TNFRSF19: variants seen among roughly 807,000 people sequenced by gnomAD.
TNFRSF19 encodes tumor necrosis factor receptor superfamily member 19.
A neutral mutation model predicts 46.4 loss-of-function variants in TNFRSF19; 27 were observed. The observed-to-expected ratio is 0.58, with a 90% CI of 0.43 to 0.80. The LOEUF is 0.80. Among genes scored for constraint, TNFRSF19 ranks in the 30% least tolerant of loss-of-function variants. The probability of loss-of-function intolerance (pLI) is 0.00; values close to 1 mark genes in which losing one functional copy is unlikely to be tolerated. For missense variants in TNFRSF19, 511 were observed against 530.8 expected, an observed-to-expected ratio of 0.96 and a Z score of 0.37; for synonymous variants, 204 against 205.0, an observed-to-expected ratio of 1.00 and a Z score of 0.04.
At chr13:23,615,742 C>T in intron 3 of TNFRSF19, 125 bp from the exon 4 acceptor site, 1 of 939,182 alleles carries the variant, frequency 1.1e-6, no homozygotes, top group Non-Finnish European at 1.5e-6. Context: ...GAAAGAGCTG[C>T]CTTTGTGTCT....
At chr13:23,646,780 T>A (rs1883358550) in intron 5 of TNFRSF19, among the ~76,000 whole-genome samples, 1 of 152,244 alleles carries the variant, frequency 6.6e-6, no homozygotes, top group African/African-American at 2.4e-5. Context: ...TTTCCATTCC[T>A]TGGGGTATAT....
chr13:23,662,735 C>T (rs1014138808), intron 7 of TNFRSF19, among the ~76,000 whole-genome samples: 5 of 151,722 alleles, frequency 3.3e-5, no homozygotes, highest in Admixed American at 3.3e-4. Context: ...CTTTTACCTC[C>T]GTGGTTAGCT....
intron 7 of TNFRSF19, among the ~76,000 whole-genome samples, chr13:23,661,920 A>C (rs1207921890): frequency 6.6e-6 from 1 of 152,098 alleles, no homozygotes; most frequent in South Asian, 2.1e-4. Context: ...AGTTCCTTAT[A>C]GATGCTGTAT....
intron 7 of TNFRSF19, among the ~76,000 whole-genome samples, chr13:23,666,622 T>C (rs1951638023): frequency 6.6e-6 from 1 of 152,340 alleles, no homozygotes; most frequent in African/African-American, 2.4e-5. Context: ...GTCCCAGGTT[T>C]ATCGTGTACT....
intron 1 of TNFRSF19, among the ~76,000 whole-genome samples, chr13:23,581,603 G>T (rs918706244): frequency 6.6e-6 from 1 of 152,038 alleles, no homozygotes; most frequent in Admixed American, 6.5e-5. Flanking sequence ...AATGGATTGC[G>T]ACATGTAATG....
Position 23,582,217 on chromosome 13 carries a change from A to G in TNFRSF19, c.-34-7933A>G, listed in dbSNP as rs1320144241. Among the ~76,000 whole-genome samples, 2 of 111,062 alleles carry G rather than the reference A, an allele frequency of 1.8e-5. 1 individual carries two copies. Among genetic ancestry groups the G allele is most frequent in the Non-Finnish European group, 3.5e-5 (2 of 56,784 alleles). 72.9% of individuals were successfully genotyped at this position (111,062 alleles called of 152,430 possible). On this transcript the variant is annotated intron_variant, in intron 1 of 9. Transcript: ENST00000248484. ...AACATGGTGAAACCCCGTCCCTACT[A>G]CAAATACAAAAAAAAAAAAAAAAAA...
At chr13:23,626,879 T>C in intron 5 of TNFRSF19, 87 bp downstream of exon 5, 1 of 1,293,040 alleles carries the variant, frequency 7.7e-7, no homozygotes, top group Non-Finnish European at 1.1e-6. Context: ...CTCTGGCAGA[T>C]GGAGCCAAAT....
Position 23,590,844 on chromosome 13 carries a change from T to C in TNFRSF19, c.69+592T>C, listed in dbSNP as rs75459928. Among the ~76,000 whole-genome samples the C allele has an allele frequency of 2.2e-4, 33 of 152,366 alleles. 2 individuals carry two copies. The East Asian group carries it at 6.4e-3, about 29-fold the overall frequency. ...TATGATGATGATATTATTTTGCCTT[T>C]ATAGGCATATATCTCTTGTAACATA... On this transcript the variant is annotated intron_variant, in intron 2 of 9. Transcript: ENST00000248484.
intron 3 of TNFRSF19, among the ~76,000 whole-genome samples, chr13:23,611,748 A>G (rs570744461): frequency 3.9e-5 from 6 of 152,134 alleles, no homozygotes; most frequent in East Asian, 1.9e-4. Flanking sequence ...ATTTGATACT[A>G]TTTTCATTTG....
chr13:23,583,626 G>A (rs531284714), intron 1 of TNFRSF19, among the ~76,000 whole-genome samples: 7 of 152,324 alleles, frequency 4.6e-5, no homozygotes, highest in Admixed American at 3.9e-4. Flanking sequence ...GTGTTATTTA[G>A]CAGCTCTTTG....
intron 9 of TNFRSF19, among the ~76,000 whole-genome samples, chr13:23,671,903 T>C (rs1951767424): frequency 6.6e-6 from 1 of 152,080 alleles, no homozygotes. Flanking sequence ...CTCACTATTA[T>C]GAACCAAAGC....
intron 3 of TNFRSF19, among the ~76,000 whole-genome samples, chr13:23,606,058 GTAAGGAC>G (rs1184147591): frequency 6.6e-6 from 1 of 152,150 alleles, no homozygotes; most frequent in Non-Finnish European, 1.5e-5. Context: ...GGCGGGGCAT[GTAAGGAC>G]TATCTCTCTA....
chr13:23,613,109 CT>C (rs1178003205), intron 3 of TNFRSF19, among the ~76,000 whole-genome samples: 1 of 152,190 alleles, frequency 6.6e-6, no homozygotes, highest in African/African-American at 2.4e-5. Flanking sequence ...AAATTGGGGT[CT>C]GATGATCCCC....
In TNFRSF19 at chr13:23,613,346, C is replaced by T. The variant is rs137996411; in HGVS notation, c.181-2521C>T. Among the ~76,000 whole-genome samples, 824 of 152,292 alleles carry T rather than the reference C, an allele frequency of 5.4e-3. 8 individuals carry two copies. Among genetic ancestry groups the T allele is most frequent in the African/African-American group, 0.017 (724 of 41,566 alleles). ...TCTCACAGATGAAGAGACTGAGGAT[C>T]GGAGAATTCCCAAAATAACTTGGCC... is the stretch of plus-strand genomic sequence containing the variant. On this transcript the variant is annotated intron_variant, in intron 3 of 9. Transcript: ENST00000248484.
chr13:23,608,913 C>T (rs529634121), intron 3 of TNFRSF19, among the ~76,000 whole-genome samples: 3 of 152,180 alleles, frequency 2.0e-5, no homozygotes, highest in Admixed American at 2.0e-4. Context: ...GAGCTACGCT[C>T]GACCTTGCCA....
intron 3 of TNFRSF19, among the ~76,000 whole-genome samples, chr13:23,596,325 C>T (rs1022919648): frequency 2.6e-5 from 4 of 151,996 alleles, no homozygotes; most frequent in Non-Finnish European, 5.9e-5. Context: ...GAGTCAAGAC[C>T]CATCAGTGTG....
intron 4 of TNFRSF19, among the ~76,000 whole-genome samples, chr13:23,623,536 T>C (rs1244589387): frequency 6.6e-6 from 1 of 152,230 alleles, no homozygotes. Context: ...CTGTTTTCCA[T>C]AGCGGCTGCA....
rs546142520 is a variant in TNFRSF19, at chr13:23,594,798, A to AC, written c.180+1349dup. Among the ~76,000 whole-genome samples, 411 of 151,960 alleles carry AC rather than the reference A, an allele frequency of 2.7e-3. 1 individual carries two copies. Among genetic ancestry groups the AC allele is most frequent in the African/African-American group, 9.4e-3 (390 of 41,420 alleles). ...GACTGCCTCCTCAAGTGGGTCGCTG[A>AC]CCCCCCAGCCTCCCGATTGGGAGAC... On this transcript the variant is annotated intron_variant, in intron 3 of 9. Coordinates refer to ENST00000248484, the MANE Select transcript of TNFRSF19 (RefSeq NM_148957.4).
chr13:23,594,916 G>A (rs1448784037), intron 3 of TNFRSF19, among the ~76,000 whole-genome samples: 3 of 152,182 alleles, frequency 2.0e-5, no homozygotes, highest in Admixed American at 6.5e-5. Flanking sequence ...CCAGAGGAAG[G>A]AACAGGCAGC....
Sources: allele counts gnomAD v4.1 joint callset (sites outside exome capture counted in the v4.1 genomes callset), GRCh38; gene constraint gnomAD v4.1.1; transcripts MANE v1.5; gene names NCBI Gene and HGNC (gene_info 2026-07-23, HGNC 2026-07-21).